ZNF410: variants seen among roughly 807,000 people sequenced by gnomAD.
The protein encoded by ZNF410 is another partner for ARF 1.
ZNF410 carries 18 observed loss-of-function variants against 54.8 expected under a neutral mutation model. The observed-to-expected ratio is 0.33, with a 90% CI of 0.23 to 0.49. The LOEUF is 0.49. Among genes scored for constraint, ZNF410 ranks in the 20% least tolerant of loss-of-function variants. ZNF410 has a pLI of 0.99. For synonymous variants in ZNF410, 191 were observed against 207.3 expected (o/e 0.92, Z 0.68); for missense variants, 405 against 569.6 (o/e 0.71, Z 2.94).
intron 3 of ZNF410, 104 bp from the exon 4 acceptor site, chr14:73,896,212 C>A (rs2055315016): frequency 1.3e-6 from 1 of 772,526 alleles, no homozygotes; most frequent in Non-Finnish European, 2.2e-6. Context: ...CTGTCTGTTG[C>A]TATAAGGATG....
intron 8 of ZNF410, among the ~76,000 whole-genome samples, chr14:73,918,997 CTTTTTTTT>C (rs906481832): frequency 1.6e-5 from 1 of 60,622 alleles, no homozygotes; most frequent in African/African-American, 9.5e-5. Context: ...CGTGCCCGGC[CTTTTTTTT>C]TTTTTTTTTT....
Position 73,893,870 on chromosome 14 carries a change from T to G in ZNF410, c.107T>G (p.Ile36Ser). 6.2e-7 allele frequency: 1 copy of G among 1,614,146 alleles called. No homozygotes were observed. Among genetic ancestry groups the G allele is most frequent in the Non-Finnish European group, 8.5e-7 (1 of 1,180,018 alleles). Residue 36 changes from isoleucine (I) to serine (S), a missense_variant, in exon 3 of 12, where the codon ATT becomes AGT. Coordinates refer to ENST00000555044, the MANE Select transcript of ZNF410 (RefSeq NM_021188.3). ...QGLVESEAKD[I>S]TCLSLLPVTE... ...CTTGTAGAATCAGAAGCTAAAGATA[T>G]TACTTGCTTGTCCCTCCTTCCCGTG...
In ZNF410 at chr14:73,897,966, C is replaced by T. The variant is rs543836636; in HGVS notation, c.389-105C>T. On this transcript the variant is annotated intron_variant, in intron 4 of 11. Coordinates refer to ENST00000555044, the MANE Select transcript of ZNF410 (RefSeq NM_021188.3). ...CAGCCTGGGTGACAGAGCGAGACGC[C>T]GTCTCAAAAAAAAAAAAAAAAAAAG... is the stretch of plus-strand genomic sequence containing the variant. 1.0e-4 allele frequency: 101 copies of T among 971,918 alleles called. No homozygotes were observed. In the East Asian group the frequency reaches 1.4e-3, roughly 13 times the overall value. 60.2% of individuals were successfully genotyped at this position (971,918 alleles called of 1,614,324 possible). A position where few individuals can be genotyped will look rare whatever the true frequency, so the allele number is the denominator to read the frequency against.
intron 11 of ZNF410, among the ~76,000 whole-genome samples, chr14:73,923,864 A>T (rs1293699532): frequency 6.6e-6 from 1 of 152,066 alleles, no homozygotes; most frequent in Admixed American, 6.6e-5. Context: ...TGTTGACCTC[A>T]CCTGTTAAGT....
At chr14:73,921,304 G>A in intron 9 of ZNF410, 199 bp downstream of exon 9, 1 of 532,014 alleles carries the variant, frequency 1.9e-6, no homozygotes, top group Non-Finnish European at 3.1e-6. Context: ...TATACTTTTT[G>A]TTGCTTGTCC....
intron 11 of ZNF410, among the ~76,000 whole-genome samples, chr14:73,927,479 G>A (rs1305807785): frequency 1.3e-5 from 2 of 152,072 alleles, no homozygotes; most frequent in Admixed American, 6.6e-5. Flanking sequence ...CTTTTACCTA[G>A]TACACATTAT....
intron 7 of ZNF410, among the ~76,000 whole-genome samples, chr14:73,905,944 T>TAC (rs869151597): frequency 4.1e-4 from 31 of 76,470 alleles, no homozygotes; most frequent in African/African-American, 1.5e-3. Flanking sequence ...TACATATATA[T>TAC]ACACACACAC....
At chr14:73,909,298 G>C (rs200121918) in intron 7 of ZNF410, 43 bp from the exon 8 acceptor site, 10 of 1,534,882 alleles carry the variant, frequency 6.5e-6, no homozygotes, top group Middle Eastern at 3.4e-4. Flanking sequence ...CAGGTAATCA[G>C]TTCATCAGAA....
intron 1 of ZNF410, among the ~76,000 whole-genome samples, chr14:73,891,024 AAGAG>A (rs910647942): frequency 6.6e-6 from 1 of 152,056 alleles, no homozygotes; most frequent in East Asian, 1.9e-4. Context: ...AAATAAATAA[AAGAG>A]AGAGAACAGC....
At chr14:73,923,964 C>A (rs2140326831) in intron 11 of ZNF410, among the ~76,000 whole-genome samples, 1 of 152,288 alleles carries the variant, frequency 6.6e-6, no homozygotes, top group South Asian at 2.1e-4. Flanking sequence ...CCTTTCTTTT[C>A]TCCAGAAATA....
chr14:73,910,735 A>G (rs1594757082), intron 8 of ZNF410, among the ~76,000 whole-genome samples: 1 of 147,200 alleles, frequency 6.8e-6, no homozygotes, highest in African/African-American at 2.5e-5. Context: ...CCTGGGCAAC[A>G]AGAGCGAAAC....
At chr14:73,931,472 C>T (rs185809344) in intron 11 of ZNF410, 31 bp from the exon 12 acceptor site, 5 of 1,588,924 alleles carry the variant, frequency 3.1e-6, no homozygotes, top group African/African-American at 1.3e-5. Flanking sequence ...CAACTGTAAC[C>T]TATTCTAGAT....
chr14:73,892,275 G>C (rs1351288392), intron 2 of ZNF410, 67 bp downstream of exon 2: 1 of 1,547,346 alleles, frequency 6.5e-7, no homozygotes, highest in African/African-American at 1.4e-5. Context: ...CTTCAGTTTA[G>C]GGGGTCAGCA....
intron 5 of ZNF410, 114 bp from the exon 6 acceptor site, chr14:73,903,846 A>G: frequency 7.4e-7 from 1 of 1,360,042 alleles, no homozygotes; most frequent in Non-Finnish European, 1.0e-6. Context: ...GGGAAGATGA[A>G]GATAGATACC....
Position 73,894,312 on chromosome 14 carries a change from G to A in ZNF410, c.169+380G>A, listed in dbSNP as rs1283488310. On this transcript the variant is annotated intron_variant, in intron 3 of 11. Transcript: ENST00000555044. ...TCATTGTATCAAATGCTACTGACAG[G>A]CCCAGTGAAATAGGGACTAAAAGGA... 8.5e-6 allele frequency: 6 copies of A among 701,832 alleles called. No individual in the cohort carries two copies. In the African/African-American group the frequency reaches 1.1e-4, roughly 12 times the overall value. 43.5% of individuals were successfully genotyped at this position (701,832 alleles called of 1,614,324 possible).
intron 11 of ZNF410, among the ~76,000 whole-genome samples, chr14:73,924,085 T>C (rs1322356798): frequency 6.6e-6 from 1 of 152,234 alleles, no homozygotes; most frequent in Non-Finnish European, 1.5e-5. Flanking sequence ...CTTAACCAAA[T>C]GGGCATATAC....
chr14:73,898,341 T>C (rs760553730), intron 5 of ZNF410, 79 bp downstream of exon 5: 2 of 1,416,694 alleles, frequency 1.4e-6, no homozygotes, highest in South Asian at 2.4e-5. Context: ...TTGAGTTGTA[T>C]ATAATTTAAA....
At position 73,903,699 on chromosome 14, in the gene ZNF410, C is replaced by T. The variant is rs1454831972; in HGVS notation, c.581-261C>T. 1.1e-5 allele frequency: 5 copies of T among 436,722 alleles called. No homozygotes were observed. In the Admixed American group the frequency reaches 1.9e-4, roughly 16 times the overall value. The allele number at this position is 436,722 out of a possible 1,614,324, so 27.1% of individuals were successfully genotyped here. A position where few individuals can be genotyped will look rare whatever the true frequency, so the allele number is the denominator to read the frequency against. ...GTGTTTTGTAAAGATATGGTTTCAC[C>T]ATGTTGCCCATGCTAGTCTCGGAAC... On this transcript the variant is annotated intron_variant, in intron 5 of 11. Coordinates refer to ENST00000555044, the MANE Select transcript of ZNF410 (RefSeq NM_021188.3).
intron 8 of ZNF410, chr14:73,915,729 G>A (rs1174315315): frequency 6.6e-6 from 1 of 152,098 alleles, no homozygotes; most frequent in African/African-American, 2.4e-5. Flanking sequence ...AGTATGTTGA[G>A]AATTTTTATT....
Sources: allele counts gnomAD v4.1 joint callset (sites outside exome capture counted in the v4.1 genomes callset), GRCh38; gene constraint gnomAD v4.1.1; transcripts MANE v1.5; gene names NCBI Gene and HGNC (gene_info 2026-07-23, HGNC 2026-07-21).